The following PAPPA variants were observed in gnomAD, a reference collection of about 807,000 sequenced individuals.
PAPPA encodes the protein pappalysin 1.
A neutral mutation model predicts 164.0 loss-of-function variants in PAPPA; 60 were observed. The observed-to-expected ratio is 0.37, with a 90% CI of 0.30 to 0.45. PAPPA has a LOEUF of 0.45. Ranked by LOEUF, PAPPA falls within the 20% of genes least tolerant of loss-of-function variation. PAPPA has a pLI of 1.00. For missense variants in PAPPA, 1,782 were observed against 2,087.3 expected (o/e 0.85, Z 2.85); for synonymous variants, 875 against 814.1 (o/e 1.07, Z -1.27).
At chr9:116,361,893 A>G (rs992312540) in intron 17 of PAPPA, among the ~76,000 whole-genome samples, 2 of 152,332 alleles carry the variant, frequency 1.3e-5, no homozygotes. Flanking sequence ...TTATGTCTTC[A>G]AGCTGCATTT....
chr9:116,386,176 G>C (rs1221397090), intron 21 of PAPPA, among the ~76,000 whole-genome samples: 1 of 152,160 alleles, frequency 6.6e-6, no homozygotes, highest in Non-Finnish European at 1.5e-5. Flanking sequence ...GTTGTGGACA[G>C]GTGTTTGGGG....
At position 116,274,084 on chromosome 9, in the gene PAPPA, C is replaced by CAA. The variant is rs11342214; in HGVS notation, c.2953+2679_2953+2680dup. Among the ~76,000 whole-genome samples the CAA allele has an allele frequency of 2.1e-4, 30 of 140,782 alleles. No individual in the cohort carries two copies. The South Asian group carries it at 5.1e-3, about 24-fold the overall frequency. The allele number at this position is 140,782 out of a possible 152,430, so 92.4% of individuals were successfully genotyped here. A position where few individuals can be genotyped will look rare whatever the true frequency, so the allele number is the denominator to read the frequency against. Reference sequence around the variant, plus strand: ...AGAGCTCACTGTGGTAAGCTACCTGCAAAAAAAAAAAAGATAGCTCCTGGT... The same window carrying CAA: ...AGAGCTCACTGTGGTAAGCTACCTGCAAAAAAAAAAAAAAGATAGCTCCTGGT... On this transcript the variant is annotated intron_variant, in intron 9 of 21. Transcript: ENST00000328252.
chr9:116,377,593 T>A lies in PAPPA; in HGVS notation c.4623T>A (p.Ala1541=). The change falls in exon 20 of 22, where the codon GCT becomes GCA. Residue 1541 remains alanine (A), a synonymous_variant. Coordinates refer to ENST00000328252, the MANE Select transcript of PAPPA (RefSeq NM_002581.5). ...TCCCACAGAGAGTTGTCTGCACTGCTGGTCTCAAGTGGTATCCTCACCCTG... is the reference window on the plus strand; with the variant it reads ...TCCCACAGAGAGTTGTCTGCACTGCAGGTCTCAAGTGGTATCCTCACCCTG... ...PTRVERVVCT[A]GLKWYPHPAL... 6.2e-7 allele frequency: 1 copy of A among 1,613,848 alleles called. No homozygotes were observed. Among genetic ancestry groups the A allele is most frequent in the Admixed American group, 1.7e-5 (1 of 60,018 alleles).
In PAPPA at chr9:116,159,802, G is replaced by A. The variant is rs118100892; in HGVS notation, c.415+5215G>A. ...GTCCAGAGATATGGAACTCGGGAGT[G>A]TGGGTTGTGTATGGCCAGCCTGGAC... is the stretch of plus-strand genomic sequence containing the variant. On this transcript the variant is annotated intron_variant, in intron 1 of 21. Transcript: ENST00000328252. Among the ~76,000 whole-genome samples, 1,476 of 152,302 alleles carry A rather than the reference G, an allele frequency of 9.7e-3. 10 individuals are homozygous for A. The highest frequency in any genetic ancestry group is 0.016 in the Admixed American group (246 of 15,296).
intron 10 of PAPPA, among the ~76,000 whole-genome samples, chr9:116,321,076 G>A (rs571141845): frequency 1.3e-5 from 2 of 150,766 alleles, no homozygotes; most frequent in East Asian, 1.9e-4. Flanking sequence ...CACCCAGGCC[G>A]GACTGCAGTA....
In PAPPA at chr9:116,303,080, G is replaced by A. The variant is rs990020760; in HGVS notation, c.3147+130G>A. The A allele has an allele frequency of 1.2e-4, 79 of 651,758 alleles. 1 individual carries two copies. The highest frequency in any genetic ancestry group is 1.8e-4 in the Non-Finnish European group (71 of 383,842). 40.4% of individuals were successfully genotyped at this position (651,758 alleles called of 1,614,324 possible). A position where few individuals can be genotyped will look rare whatever the true frequency, so the allele number is the denominator to read the frequency against. On this transcript the variant is annotated intron_variant, in intron 10 of 21. Coordinates refer to ENST00000328252, the MANE Select transcript of PAPPA (RefSeq NM_002581.5). ...TGAGCATATCTTTATTAAATGTACT[G>A]TTAGGGCTTCATGAATACCATTTGT...
At chr9:116,225,236 C>T (rs984943458) in intron 5 of PAPPA, among the ~76,000 whole-genome samples, 3 of 152,200 alleles carry the variant, frequency 2.0e-5, no homozygotes, top group African/African-American at 4.8e-5. Flanking sequence ...AGCCACTATG[C>T]GTGGATTGTG....
Position 116,380,021 on chromosome 9 carries a change from A to G in PAPPA, c.4677+2374A>G, listed in dbSNP as rs1846707555. ...TCTTTATGATCTCAGCTGAAGCGTC[A>G]TTTCTTCAGGGACTTCACTGAGCTC... On this transcript the variant is annotated intron_variant, in intron 20 of 21. Transcript: ENST00000328252. Among the ~76,000 whole-genome samples the G allele has an allele frequency of 2.0e-5, 3 of 152,146 alleles. No homozygotes were observed. In the South Asian group the frequency reaches 6.2e-4, roughly 31 times the overall value.
intron 19 of PAPPA, 21 bp from the exon 20 acceptor site, chr9:116,377,555 T>C: frequency 6.2e-7 from 1 of 1,600,136 alleles, no homozygotes. Context: ...CCATCTGACC[T>C]TTCTCTCCCT....
intron 21 of PAPPA, among the ~76,000 whole-genome samples, chr9:116,385,897 C>T (rs1008714755): frequency 6.6e-6 from 1 of 152,194 alleles, no homozygotes; most frequent in African/African-American, 2.4e-5. Flanking sequence ...CAGGGAGCCA[C>T]ACAACTATTG....
intron 13 of PAPPA, among the ~76,000 whole-genome samples, chr9:116,338,471 C>A (rs566566368): frequency 6.6e-6 from 1 of 152,264 alleles, no homozygotes; most frequent in East Asian, 1.9e-4. Context: ...CCAAGTATTT[C>A]TAGAGTCTGT....
intron 13 of PAPPA, among the ~76,000 whole-genome samples, chr9:116,340,163 C>T (rs1846117650): frequency 6.6e-6 from 1 of 152,158 alleles, no homozygotes; most frequent in Admixed American, 6.5e-5. Context: ...TATTGACTGC[C>T]CATCACTGTT....
chr9:116,191,190 T>A (rs1211636537), intron 2 of PAPPA, among the ~76,000 whole-genome samples: 1 of 152,174 alleles, frequency 6.6e-6, no homozygotes, highest in Non-Finnish European at 1.5e-5. Context: ...ACTACAGTGT[T>A]GCAATTACAG....
At chr9:116,365,080 C>T (rs547968306) in intron 18 of PAPPA, among the ~76,000 whole-genome samples, 2 of 152,208 alleles carry the variant, frequency 1.3e-5, no homozygotes, top group African/African-American at 4.8e-5. Context: ...CCTCGCTTTC[C>T]TCCAAATGCG....
At chr9:116,270,882 A>G (rs996711784) in intron 8 of PAPPA, among the ~76,000 whole-genome samples, 3 of 152,210 alleles carry the variant, frequency 2.0e-5, no homozygotes, top group African/African-American at 7.2e-5. Flanking sequence ...TATTGGGGGA[A>G]TAAGAAGGAT....
chr9:116,155,421 T>TC (rs1384637926), intron 1 of PAPPA, among the ~76,000 whole-genome samples: 2 of 152,190 alleles, frequency 1.3e-5, no homozygotes, highest in African/African-American at 2.4e-5. Context: ...GCATCCATTT[T>TC]CCCCCCTCTA....
intron 7 of PAPPA, among the ~76,000 whole-genome samples, chr9:116,238,649 C>G (rs913450340): frequency 2.6e-5 from 4 of 152,148 alleles, no homozygotes; most frequent in African/African-American, 9.7e-5. Context: ...CTTTCATTCA[C>G]TCTCCAAATA....
intron 3 of PAPPA, among the ~76,000 whole-genome samples, chr9:116,209,537 T>A (rs1220424738): frequency 6.6e-6 from 1 of 152,116 alleles, no homozygotes; most frequent in African/African-American, 2.4e-5. Context: ...GGGCCAGGAA[T>A]AAGGGAGGCT....
chr9:116,189,933 C>T (rs1347792535), intron 2 of PAPPA, among the ~76,000 whole-genome samples: 3 of 152,198 alleles, frequency 2.0e-5, no homozygotes, highest in African/African-American at 4.8e-5. Flanking sequence ...CTCAGCTTCC[C>T]GGCACCAGGA....
Sources: gnomAD v4.1 joint callset for allele counts (sites outside exome capture counted in the v4.1 genomes callset) on GRCh38, gnomAD v4.1.1 for gene constraint, MANE v1.5 for transcripts, NCBI Gene and HGNC (gene_info 2026-07-23, HGNC 2026-07-21) for gene names.